Variants in HMCN1 observed in about 807,000 individuals in gnomAD.
HMCN1 encodes hemicentin-1.
In HMCN1, 321 loss-of-function variants were observed where a neutral mutation model predicts 625.9. The ratio of observed to expected loss-of-function variants is 0.51; its 90% CI spans 0.47 to 0.56. HMCN1 has a LOEUF of 0.56. HMCN1 is among the 20% of genes least tolerant of loss of function. The probability of loss-of-function intolerance (pLI) is 0.00; values close to 1 mark genes in which losing one functional copy is unlikely to be tolerated. For missense variants in HMCN1, 6,588 were observed against 6,887.3 expected (o/e 0.96, Z 1.54); for synonymous variants, 2,425 against 2,417.6 (o/e 1.00, Z -0.09).
chr1:186,045,809 C>A lies in HMCN1; in HGVS notation c.6426C>A (p.His2142Gln). ...CTCTTACTTGGTTAAAAGACGGCCA[C>A]CCCTTGCTGAAGAAACCAGGCCTCA... ...PPTLTWLKDGHPLLKKPGLSI... is the reference protein window; with the variant it reads ...PPTLTWLKDGQPLLKKPGLSI... Residue 2142 changes from histidine (H) to glutamine (Q), a missense_variant, in exon 41 of 107, where the codon CAC becomes CAA. By Grantham distance (24) the His-to-Gln change is conservative. Transcript: ENST00000271588. 1 of 1,613,020 alleles carries A rather than the reference C, an allele frequency of 6.2e-7. No individual in the cohort carries two copies. Among genetic ancestry groups the A allele is most frequent in the Non-Finnish European group, 8.5e-7 (1 of 1,179,244 alleles).
chr1:185,984,247 G>A lies in HMCN1; in HGVS notation c.2869G>A (p.Glu957Lys). The A allele has an allele frequency of 6.2e-7, 1 of 1,613,850 alleles. No homozygotes were observed. The highest frequency in any genetic ancestry group is 2.2e-5 in the East Asian group (1 of 44,862). The part of the protein sequence containing the change: ...IERVQLQDGG[E>K]YTCVASNVAG... ...AAGAGTTCAGCTTCAGGATGGTGGT[G>A]AATATACTTGTGTGGCCAGTAACGT... Residue 957 changes from glutamate (E) to lysine (K), a missense_variant, in exon 19 of 107, where the codon GAA becomes AAA. Physicochemically the swap from Glu to Lys is moderately conservative, Grantham distance 56. Transcript: ENST00000271588.
chr1:186,033,593 T>C (rs1187576936), intron 36 of HMCN1, among the ~76,000 whole-genome samples: 3 of 118,730 alleles, frequency 2.5e-5, no homozygotes, highest in Admixed American at 1.9e-4. Context: ...TATTGTTGTA[T>C]TGTTATTTTT....
At chr1:186,158,668 T>C (rs1390928925) in intron 97 of HMCN1, among the ~76,000 whole-genome samples, 6 of 152,038 alleles carry the variant, frequency 3.9e-5, no homozygotes, top group African/African-American at 9.7e-5. Flanking sequence ...AGCCAGTTTT[T>C]CCAGCACCAT....
At chr1:186,068,046 T>C in intron 50 of HMCN1, 39 bp downstream of exon 50, 1 of 1,501,728 alleles carries the variant, frequency 6.7e-7, no homozygotes, top group Non-Finnish European at 9.3e-7. Flanking sequence ...TGCATCTGCG[T>C]CATCTACTAT....
chr1:186,062,033 T>G, intron 47 of HMCN1, 69 bp downstream of exon 47: 1 of 942,914 alleles, frequency 1.1e-6, no homozygotes, highest in South Asian at 1.4e-5. Flanking sequence ...AGAGTTAAAA[T>G]TTATTTACCA....
chr1:185,757,707 T>C (rs1473242291), intron 1 of HMCN1, among the ~76,000 whole-genome samples: 2 of 152,184 alleles, frequency 1.3e-5, no homozygotes, highest in East Asian at 3.8e-4. Context: ...TCAACTGATA[T>C]ATTTCTAACT....
At position 185,933,715 on chromosome 1, in the gene HMCN1, T is replaced by C. The variant is rs1339630695; in HGVS notation, c.1719T>C (p.Asn573=). 1.2e-6 allele frequency: 2 copies of C among 1,613,910 alleles called. No homozygotes were observed. The highest frequency in any genetic ancestry group is 2.7e-5 in the African/African-American group (2 of 74,938). ...AEPARIRTLA[N]LSLELKSVKF... ...CAGCGAGAATTAGGACCTTGGCTAA[T>C]CTGTCATTGGAGCTAAAGAGTGTGA... The change falls in exon 11 of 107, where the codon AAT becomes AAC. Residue 573 remains asparagine, a synonymous_variant. Coordinates refer to ENST00000271588, the MANE Select transcript of HMCN1 (RefSeq NM_031935.3).
chr1:185,883,336 T>C (rs1232772776), intron 4 of HMCN1, among the ~76,000 whole-genome samples: 2 of 152,076 alleles, frequency 1.3e-5, no homozygotes, highest in Non-Finnish European at 2.9e-5. Flanking sequence ...TGTATATGCT[T>C]ATGTATTCCA....
At chr1:186,129,841 T>C in intron 83 of HMCN1, 125 bp from the exon 84 acceptor site, 1 of 1,138,720 alleles carries the variant, frequency 8.8e-7, no homozygotes, top group Non-Finnish European at 1.3e-6. Flanking sequence ...GGCTCTCTTC[T>C]CCAATGTCAT....
intron 81 of HMCN1, among the ~76,000 whole-genome samples, chr1:186,124,922 AT>A (rs1661572988): frequency 6.6e-6 from 1 of 151,988 alleles, no homozygotes; most frequent in Non-Finnish European, 1.5e-5. Flanking sequence ...CCAATCAAGT[AT>A]TTTTTATTAC....
intron 1 of HMCN1, among the ~76,000 whole-genome samples, chr1:185,791,325 A>G (rs377072737): frequency 3.3e-5 from 5 of 152,348 alleles, no homozygotes; most frequent in African/African-American, 1.2e-4. Context: ...TAAGTTTCAG[A>G]AATATTTTTA....
At chr1:185,841,384 T>A (rs1661470007) in intron 1 of HMCN1, among the ~76,000 whole-genome samples, 1 of 152,214 alleles carries the variant, frequency 6.6e-6, no homozygotes, top group Non-Finnish European at 1.5e-5. Context: ...TTTACTTGAT[T>A]AAAGTGAATA....
At chr1:185,894,790 A>G (rs1002987438) in intron 4 of HMCN1, among the ~76,000 whole-genome samples, 1 of 152,224 alleles carries the variant, frequency 6.6e-6, no homozygotes, top group Non-Finnish European at 1.5e-5. Flanking sequence ...GGTGACAATT[A>G]TAGAAGACAA....
At chr1:186,003,972 A>T in intron 29 of HMCN1, 128 bp downstream of exon 29, 1 of 895,726 alleles carries the variant, frequency 1.1e-6, no homozygotes. Context: ...ATACAGGAAA[A>T]ACAATATTGC....
chr1:186,120,281 GTTTTTCTATCAC>G (rs2102488847), intron 80 of HMCN1, 136 bp downstream of exon 80: 2 of 998,452 alleles, frequency 2.0e-6, no homozygotes, highest in East Asian at 5.3e-5. Context: ...TATCCTATTG[GTTTTTCTATCAC>G]TTTTATGAAG....
chr1:186,136,797 C>A lies in HMCN1; in HGVS notation c.13442C>A (p.Ser4481Tyr), dbSNP rs747405345. Residue 4481 changes from serine to tyrosine, a missense_variant, in exon 87 of 107, where the codon TCC (serine) becomes TAC (tyrosine). Physicochemically the swap from Ser to Tyr is moderately radical, Grantham distance 144. Transcript: ENST00000271588. The stretch of plus-strand genomic sequence containing the variant: ...TGGTCCCGTCAAGGGCACTCTATTT[C>A]CTGGGATGACCGGGTTAACGTGTTG... ...ITWSRQGHSI[S>Y]WDDRVNVLSN... The A allele has an allele frequency of 6.4e-5, 104 of 1,613,872 alleles. No homozygotes were observed. The highest frequency in any genetic ancestry group is 1.6e-4 in the Middle Eastern group (1 of 6,084).
In HMCN1 at chr1:186,093,588, C is replaced by T. The variant is rs753576003; in HGVS notation, c.10115C>T (p.Pro3372Leu). Residue 3372 changes from proline (P) to leucine (L), a missense_variant, in exon 66 of 107, where the codon CCA (proline) becomes CTA (leucine). Around this residue, in one of 3 missense-constraint regions of HMCN1, gnomAD observed 4,628 missense variants for 4,853.1 expected, o/e 0.95. Coordinates refer to ENST00000271588, the MANE Select transcript of HMCN1 (RefSeq NM_031935.3). ...IECRATGTPP[P>L]QINWLKNGLP... The stretch of plus-strand genomic sequence containing the variant: ...TGCAGAGCCACAGGGACGCCTCCAC[C>T]ACAGATAAACTGGCTGAAGAATGGA... The T allele has an allele frequency of 1.5e-5, 24 of 1,613,470 alleles. No homozygotes were observed. Among genetic ancestry groups the T allele is most frequent in the Non-Finnish European group, 1.9e-5 (23 of 1,179,648 alleles).
At chr1:185,815,166 A>G (rs1659766337) in intron 1 of HMCN1, among the ~76,000 whole-genome samples, 1 of 150,374 alleles carries the variant, frequency 6.7e-6, no homozygotes, top group South Asian at 2.1e-4. Flanking sequence ...ACTCAAATAT[A>G]CTAATTACAT....
At position 185,948,072 on chromosome 1, in the gene HMCN1, T is replaced by G. The variant is rs556767808; in HGVS notation, c.1828+14248T>G. Reference sequence around the variant, plus strand: ...TTACAATTATCAGCAGGCTCAATGATAGTCATTATGTAACTTTTTGAAGTT... The same window carrying G: ...TTACAATTATCAGCAGGCTCAATGAGAGTCATTATGTAACTTTTTGAAGTT... On this transcript the variant is annotated intron_variant, in intron 11 of 106. Transcript: ENST00000271588. Among the ~76,000 whole-genome samples the G allele has an allele frequency of 2.6e-5, 4 of 152,332 alleles. No homozygotes were observed. In the South Asian group the frequency reaches 8.3e-4, roughly 32 times the overall value.
Sources: gnomAD v4.1 joint callset for allele counts (sites outside exome capture counted in the v4.1 genomes callset) on GRCh38, gnomAD v4.1.1 for gene constraint, gnomAD v4.1.1 regional missense constraint, MANE v1.5 for transcripts, NCBI Gene and HGNC (gene_info 2026-07-23, HGNC 2026-07-21) for gene names.